The following ZFAND3 variants were observed in gnomAD, a reference collection of about 807,000 sequenced individuals.
The protein encoded by ZFAND3 is AN1-type zinc finger protein 3.
Under a neutral mutation model 29.6 loss-of-function variants are expected in ZFAND3, and 10 were observed. That is an observed-to-expected ratio of 0.34 (90% CI 0.21 to 0.57). ZFAND3 has a LOEUF of 0.57. Among genes scored for constraint, ZFAND3 ranks in the 20% least tolerant of loss-of-function variants. The pLI is 0.86. For synonymous variants in ZFAND3, 128 were observed against 112.6 expected, an observed-to-expected ratio of 1.14 and a Z score of -0.87; for missense variants, 230 against 304.5, an observed-to-expected ratio of 0.76 and a Z score of 1.82.
chr6:37,831,193 C>T (rs1250212775), intron 1 of ZFAND3, among the ~76,000 whole-genome samples: 1 of 152,208 alleles, frequency 6.6e-6, no homozygotes, highest in Non-Finnish European at 1.5e-5. Context: ...CAAGCCCTTG[C>T]CACAGAGCCT....
At chr6:38,151,243 C>G (rs986759925) in intron 5 of ZFAND3, among the ~76,000 whole-genome samples, 6 of 152,146 alleles carry the variant, frequency 3.9e-5, no homozygotes, top group African/African-American at 1.4e-4. Context: ...TTACCTGTAC[C>G]GGCTCCCTGC....
chr6:38,036,543 C>A (rs1251766754), intron 2 of ZFAND3, among the ~76,000 whole-genome samples: 1 of 151,804 alleles, frequency 6.6e-6, no homozygotes, highest in African/African-American at 2.4e-5. Flanking sequence ...TTGAGGGGGC[C>A]CAGATGTTGG....
rs1025679313 is a variant in ZFAND3 at position 38,116,635 on chromosome 6, G to A, written c.425G>A (p.Arg142Gln). 1.1e-5 allele frequency: 17 copies of A among 1,613,964 alleles called. No individual in the cohort carries two copies. Among genetic ancestry groups the A allele is most frequent in the East Asian group, 4.5e-5 (2 of 44,890 alleles). The change falls in exon 5 of 6, where the codon CGG (arginine) becomes CAG (glutamine). Residue 142 changes from arginine (R) to glutamine (Q), a missense_variant. Arg to Gln is a conservative substitution (Grantham distance 43). Transcript: ENST00000287218. Reference sequence around the variant, plus strand: ...CCACGACTACTTGAGAATACGGAACGGTCCGAGGAAACCAGTCGATCTAAA... The same window carrying A: ...CCACGACTACTTGAGAATACGGAACAGTCCGAGGAAACCAGTCGATCTAAA... Reference protein sequence around the residue: ...KRPRLLENTERSEETSRSKQK... With the variant: ...KRPRLLENTEQSEETSRSKQK...
At chr6:38,134,026 T>G (rs1765794313) in intron 5 of ZFAND3, among the ~76,000 whole-genome samples, 1 of 152,196 alleles carries the variant, frequency 6.6e-6, no homozygotes. Context: ...ATGCTTTTTA[T>G]TGAATGGTAA....
At chr6:38,008,191 T>A (rs1038017298) in intron 2 of ZFAND3, among the ~76,000 whole-genome samples, 1 of 152,136 alleles carries the variant, frequency 6.6e-6, no homozygotes, top group Non-Finnish European at 1.5e-5. Flanking sequence ...TTAGAATAAA[T>A]AGGTTGTTGA....
intron 1 of ZFAND3, among the ~76,000 whole-genome samples, chr6:37,916,381 C>T (rs548279721): frequency 1.3e-4 from 19 of 152,000 alleles, no homozygotes; most frequent in Non-Finnish European, 2.4e-4. Context: ...GTATGCCAGC[C>T]GGGCACGGTG....
chr6:38,066,961 G>A (rs894722259), intron 3 of ZFAND3, among the ~76,000 whole-genome samples: 2 of 152,170 alleles, frequency 1.3e-5, no homozygotes, highest in African/African-American at 4.8e-5. Context: ...AGTCCATGGA[G>A]CTTAGCCGTT....
intron 2 of ZFAND3, among the ~76,000 whole-genome samples, chr6:37,961,144 G>T (rs1043655347): frequency 2.6e-5 from 4 of 152,140 alleles, no homozygotes; most frequent in African/African-American, 9.7e-5. Context: ...GGCATTTCTG[G>T]ACCTGCCCTG....
At chr6:38,030,480 A>G (rs59769374) in intron 2 of ZFAND3, among the ~76,000 whole-genome samples, 13,430 of 152,186 alleles carry the variant, frequency 0.088, 775 homozygotes, top group East Asian at 0.29. Context: ...CATATGGGAC[A>G]ACAGAGAATT....
intron 1 of ZFAND3, among the ~76,000 whole-genome samples, chr6:37,925,759 G>T (rs1761473837): frequency 1.3e-5 from 2 of 151,928 alleles, no homozygotes; most frequent in South Asian, 4.2e-4. Flanking sequence ...GGAAGAAGGT[G>T]TTTCCCATTT....
intron 1 of ZFAND3, among the ~76,000 whole-genome samples, chr6:37,889,901 T>C (rs1429363342): frequency 6.6e-6 from 1 of 152,262 alleles, no homozygotes; most frequent in Non-Finnish European, 1.5e-5. Context: ...TATTTCTGAT[T>C]ATTTTTGCAG....
At chr6:38,082,253 C>T in intron 3 of ZFAND3, 139 bp from the exon 4 acceptor site, 1 of 695,656 alleles carries the variant, frequency 1.4e-6, no homozygotes, top group Admixed American at 3.1e-5. Context: ...CCCACCACCA[C>T]CGTCTTTCCT....
intron 1 of ZFAND3, among the ~76,000 whole-genome samples, chr6:37,855,497 C>T (rs1469584054): frequency 6.6e-6 from 1 of 151,972 alleles, no homozygotes; most frequent in Non-Finnish European, 1.5e-5. Flanking sequence ...CAACACCTCC[C>T]CGCCCCATAT....
chr6:37,972,036 G>A (rs1327474930), intron 2 of ZFAND3, among the ~76,000 whole-genome samples: 1 of 150,952 alleles, frequency 6.6e-6, no homozygotes, highest in Admixed American at 6.6e-5. Context: ...TGGTTGCATA[G>A]GAGGGAAAGA....
intron 4 of ZFAND3, 118 bp downstream of exon 4, chr6:38,082,575 GT>G (rs1202778318): frequency 2.2e-6 from 2 of 914,976 alleles, no homozygotes; most frequent in Non-Finnish European, 3.3e-6. Flanking sequence ...CAGTTGTGAG[GT>G]GATATGTGCT....
At chr6:37,868,176 A>G (rs1482519502) in intron 1 of ZFAND3, among the ~76,000 whole-genome samples, 2 of 144,654 alleles carry the variant, frequency 1.4e-5, no homozygotes, top group Non-Finnish European at 3.2e-5. Flanking sequence ...CTTTTACTGC[A>G]TCTTTTGAAA....
intron 1 of ZFAND3, among the ~76,000 whole-genome samples, chr6:37,888,937 C>G (rs754299785): frequency 2.0e-5 from 3 of 152,178 alleles, no homozygotes; most frequent in African/African-American, 4.8e-5. Context: ...AATGTTTGCT[C>G]TCTGTTCCTG....
At chr6:37,926,442 C>T (rs1253417695) in intron 1 of ZFAND3, among the ~76,000 whole-genome samples, 1 of 152,164 alleles carries the variant, frequency 6.6e-6, no homozygotes, top group Non-Finnish European at 1.5e-5. Context: ...CCAGCTTCTG[C>T]CTCCATCTTC....
intron 1 of ZFAND3, among the ~76,000 whole-genome samples, chr6:37,824,181 A>G (rs1015652926): frequency 6.6e-6 from 1 of 152,264 alleles, no homozygotes; most frequent in Non-Finnish European, 1.5e-5. Flanking sequence ...CATTTTAGGC[A>G]TTTAGTACTC....
Sources: gnomAD v4.1 joint callset for allele counts (sites outside exome capture counted in the v4.1 genomes callset) on GRCh38, gnomAD v4.1.1 for gene constraint, MANE v1.5 for transcripts, NCBI Gene and HGNC (gene_info 2026-07-23, HGNC 2026-07-21) for gene names.